The following TAB2 variants were observed in gnomAD, a reference collection of about 807,000 sequenced individuals.
TAB2 encodes TGF-beta activated kinase 1 (MAP3K7) binding protein 2, also known as TGF-beta-activated kinase 1 and MAP3K7-binding protein 2.
TAB2 carries 3 observed loss-of-function variants against 65.0 expected under a neutral mutation model. The ratio of observed to expected loss-of-function variants is 0.05; its 90% CI spans 0.02 to 0.12. The LOEUF is 0.12. Ranked by LOEUF, TAB2 falls within the 10% of genes least tolerant of loss-of-function variation. The pLI, the probability that TAB2 is intolerant of heterozygous loss-of-function variation, is 1.00. For synonymous variants in TAB2, 298 were observed against 285.1 expected, an observed-to-expected ratio of 1.05 and a Z score of -0.46; for missense variants, 623 against 840.3, an observed-to-expected ratio of 0.74 and a Z score of 3.20.
At chr6:149,270,158 T>C (rs1327437242) in intron 1 of TAB2, among the ~76,000 whole-genome samples, 1 of 152,254 alleles carries the variant, frequency 6.6e-6, no homozygotes, top group East Asian at 1.9e-4. Flanking sequence ...TTAATGGTAT[T>C]TGTGGTCTTG....
At chr6:149,228,526 G>C (rs919955645) in intron 1 of TAB2, among the ~76,000 whole-genome samples, 1 of 152,174 alleles carries the variant, frequency 6.6e-6, no homozygotes, top group Non-Finnish European at 1.5e-5. Flanking sequence ...GCCTGTGACA[G>C]CTGCTACCCA....
intron 1 of TAB2, among the ~76,000 whole-genome samples, chr6:149,326,590 C>CACA (rs1779627645): frequency 1.3e-5 from 2 of 151,180 alleles, no homozygotes; most frequent in Non-Finnish European, 2.9e-5. Context: ...CTCTTTTGTC[C>CACA]AGGCTAGAGT....
chr6:149,318,253 T>C (rs1020124060), intron 1 of TAB2, among the ~76,000 whole-genome samples: 3 of 135,200 alleles, frequency 2.2e-5, no homozygotes, highest in Non-Finnish European at 3.4e-5. Context: ...GGGCCGGGCC[T>C]GGGCTCCGGG....
chr6:149,367,133 C>G (rs771344311), intron 1 of TAB2, among the ~76,000 whole-genome samples: 8 of 152,008 alleles, frequency 5.3e-5, no homozygotes, highest in Non-Finnish European at 1.2e-4. Flanking sequence ...GTCCTTGATC[C>G]CATGGGGCTA....
intron 6 of TAB2, among the ~76,000 whole-genome samples, chr6:149,402,606 G>T (rs1339161409): frequency 6.6e-6 from 1 of 152,138 alleles, no homozygotes; most frequent in African/African-American, 2.4e-5. Context: ...AATGAGAAGG[G>T]GGAACACTTC....
intron 1 of TAB2, among the ~76,000 whole-genome samples, chr6:149,276,081 C>T (rs9404025): frequency 0.45 from 67,647 of 151,952 alleles, 15,815 homozygotes; most frequent in East Asian, 0.66. Flanking sequence ...GCCACACCAG[C>T]GTAAGAGGTT....
At chr6:149,238,874 A>G (rs148104614) in intron 1 of TAB2, among the ~76,000 whole-genome samples, 16 of 152,342 alleles carry the variant, frequency 1.1e-4, no homozygotes, top group African/African-American at 3.8e-4. Context: ...GTCACATCTT[A>G]GACGACAGAG....
At chr6:149,226,944 G>C (rs540341050) in intron 1 of TAB2, among the ~76,000 whole-genome samples, 1 of 152,308 alleles carries the variant, frequency 6.6e-6, no homozygotes, top group East Asian at 1.9e-4. Context: ...AATGAATTAA[G>C]AGGGTGGTTA....
chr6:149,358,184 A>AT (rs1178651405), intron 1 of TAB2, among the ~76,000 whole-genome samples: 1 of 152,058 alleles, frequency 6.6e-6, no homozygotes, highest in East Asian at 1.9e-4. Context: ...CGGATTTTGG[A>AT]TTTTTTCAGA....
chr6:149,333,363 G>A (rs1463163098), intron 1 of TAB2, among the ~76,000 whole-genome samples: 2 of 152,054 alleles, frequency 1.3e-5, no homozygotes, highest in East Asian at 1.9e-4. Context: ...CTGCAAATTC[G>A]TCTAAACTTT....
chr6:149,231,205 C>T (rs1375210736), intron 1 of TAB2, among the ~76,000 whole-genome samples: 1 of 152,108 alleles, frequency 6.6e-6, no homozygotes, highest in Non-Finnish European at 1.5e-5. Context: ...GAAGGGGAGA[C>T]GAAATGTGGA....
Position 149,356,095 on chromosome 6 carries a change from C to T in TAB2, c.-89-13814C>T, listed in dbSNP as rs564247839. 4.6e-5 allele frequency among the ~76,000 whole-genome samples: 7 copies of T among 152,296 alleles called. No individual in the cohort carries two copies. The East Asian group carries it at 1.3e-3, about 29-fold the overall frequency. On this transcript the variant is annotated intron_variant, in intron 1 of 6. Transcript: ENST00000637181. ...TGAATTATTGAATCTGTTCTGATAC[C>T]TCCTAATTTAATCGTATTTCCTAAT...
chr6:149,358,194 AT>A (rs1223398830), intron 1 of TAB2, among the ~76,000 whole-genome samples: 1 of 152,104 alleles, frequency 6.6e-6, no homozygotes, highest in Non-Finnish European at 1.5e-5. Flanking sequence ...ATTTTTTCAG[AT>A]TTGGGGATAT....
chr6:149,318,740 G>A (rs1465993075), intron 1 of TAB2: 1 of 152,342 alleles, frequency 6.6e-6, no homozygotes, highest in East Asian at 1.9e-4. Flanking sequence ...CTGATGCTGT[G>A]AGATGTTCAG....
intron 1 of TAB2, among the ~76,000 whole-genome samples, chr6:149,284,242 C>T (rs1165678775): frequency 6.6e-6 from 1 of 152,112 alleles, no homozygotes; most frequent in Non-Finnish European, 1.5e-5. Context: ...CCCCACATAC[C>T]CAGCCTGAGT....
At chr6:149,398,509 G>C (rs758773813) in intron 5 of TAB2, among the ~76,000 whole-genome samples, 1 of 152,064 alleles carries the variant, frequency 6.6e-6, no homozygotes, top group Non-Finnish European at 1.5e-5. Flanking sequence ...TCACACTTGG[G>C]ACTGTGTTCT....
In TAB2 at chr6:149,409,762, C is replaced by T. The variant is rs372125272; in HGVS notation, c.*43C>T. 1.9e-6 allele frequency: 3 copies of T among 1,611,692 alleles called. No homozygotes were observed. In the African/African-American group the frequency reaches 4.0e-5, roughly 22 times the overall value. ...CTTCTCTAAAACCACATCTAAAGTT[C>T]AAGAAACTAGTCTGTCATCGGGAAA... On this transcript the variant is annotated 3_prime_UTR_variant, in exon 7 of 7. Transcript: ENST00000637181.
chr6:149,246,447 C>T (rs937090632), intron 1 of TAB2: 7 of 152,200 alleles, frequency 4.6e-5, no homozygotes, highest in South Asian at 2.1e-4. Flanking sequence ...TTTGCACCAT[C>T]GAAACAAAGC....
chr6:149,227,657 A>G (rs1777310697), intron 1 of TAB2, among the ~76,000 whole-genome samples: 1 of 152,214 alleles, frequency 6.6e-6, no homozygotes, highest in African/African-American at 2.4e-5. Flanking sequence ...GAACATCCCC[A>G]GTGAGGAATC....
Sources: allele counts gnomAD v4.1 joint callset (sites outside exome capture counted in the v4.1 genomes callset), GRCh38; gene constraint gnomAD v4.1.1; transcripts MANE v1.5; gene names NCBI Gene and HGNC (gene_info 2026-07-23, HGNC 2026-07-21).